SPAG16: variants seen among roughly 807,000 people sequenced by gnomAD.
SPAG16 encodes the protein sperm associated antigen 16, also known as sperm-associated antigen 16 protein.
A neutral mutation model predicts 80.4 loss-of-function variants in SPAG16; 86 were observed. That is an observed-to-expected ratio of 1.07 (90% confidence interval 0.90 to 1.28). SPAG16 has a LOEUF of 1.28. Ranked by LOEUF, SPAG16 falls within the 50% of genes most tolerant of loss-of-function variation. The pLI is 0.00. For missense variants in SPAG16, 870 were observed against 765.3 expected (o/e 1.14, Z -1.61); for synonymous variants, 294 against 265.9 (o/e 1.11, Z -1.03).
intron 13 of SPAG16, among the ~76,000 whole-genome samples, chr2:214,071,721 G>T: frequency 6.6e-6 from 1 of 151,880 alleles, no homozygotes; most frequent in East Asian, 1.9e-4. Context: ...ACACTACAAT[G>T]TTTTTGTGAG....
At chr2:213,441,954 C>T (rs2070993844) in intron 9 of SPAG16, among the ~76,000 whole-genome samples, 1 of 152,188 alleles carries the variant, frequency 6.6e-6, no homozygotes, top group South Asian at 2.1e-4. Context: ...CAAGACCAGC[C>T]TGGCCAACAT....
chr2:213,974,814 A>G (rs1043432186), intron 12 of SPAG16, among the ~76,000 whole-genome samples: 2 of 152,010 alleles, frequency 1.3e-5, no homozygotes, highest in Non-Finnish European at 2.9e-5. Context: ...TTGGCTTGCC[A>G]CATAACCAGC....
chr2:214,025,180 T>C (rs79593886), intron 13 of SPAG16, among the ~76,000 whole-genome samples: 145 of 151,764 alleles, frequency 9.6e-4, no homozygotes, highest in Non-Finnish European at 1.5e-3. Context: ...TAGAGACAAG[T>C]CTTCTCATGA....
intron 7 of SPAG16, among the ~76,000 whole-genome samples, chr2:213,353,607 C>G (rs2065457817): frequency 6.6e-6 from 1 of 152,130 alleles, no homozygotes; most frequent in Non-Finnish European, 1.5e-5. Flanking sequence ...CCTTCATTTC[C>G]AACTGGCCCC....
At chr2:214,117,887 C>A (rs1026999218) in intron 14 of SPAG16, among the ~76,000 whole-genome samples, 1 of 152,104 alleles carries the variant, frequency 6.6e-6, no homozygotes, top group Non-Finnish European at 1.5e-5. Context: ...GAGAAACCTA[C>A]AAACATCATA....
chr2:214,279,271 A>AT (rs1692714010), intron 15 of SPAG16, among the ~76,000 whole-genome samples: 1 of 152,078 alleles, frequency 6.6e-6, no homozygotes, highest in African/African-American at 2.4e-5. Flanking sequence ...TAATTTTTGT[A>AT]TTTTTAGTAA....
intron 13 of SPAG16, among the ~76,000 whole-genome samples, chr2:214,036,202 TG>T (rs1396668548): frequency 6.6e-6 from 1 of 152,250 alleles, no homozygotes; most frequent in Non-Finnish European, 1.5e-5. Flanking sequence ...ATGTTCAAAT[TG>T]TCACATTCTT....
At chr2:213,838,185 T>G (rs1214110985) in intron 10 of SPAG16, among the ~76,000 whole-genome samples, 1 of 152,158 alleles carries the variant, frequency 6.6e-6, no homozygotes, top group South Asian at 2.1e-4. Flanking sequence ...GATTTCTTTT[T>G]TTTTGAGACA....
chr2:213,912,356 T>C (rs1249038702), intron 11 of SPAG16, among the ~76,000 whole-genome samples: 1 of 152,220 alleles, frequency 6.6e-6, no homozygotes, highest in Non-Finnish European at 1.5e-5. Flanking sequence ...TATATTTAAT[T>C]TTTGTAAGAA....
At chr2:214,160,930 C>G (rs2125601589) in intron 15 of SPAG16, among the ~76,000 whole-genome samples, 1 of 152,058 alleles carries the variant, frequency 6.6e-6, no homozygotes, top group Non-Finnish European at 1.5e-5. Context: ...GCATTCTGCA[C>G]TAAACATTTT....
chr2:213,728,525 C>T (rs1028339605), intron 10 of SPAG16, among the ~76,000 whole-genome samples: 4 of 152,102 alleles, frequency 2.6e-5, no homozygotes, highest in Non-Finnish European at 5.9e-5. Flanking sequence ...GTCTCTGCCA[C>T]AGGGAATAAG....
chr2:213,989,302 A>C (rs1177150989), intron 12 of SPAG16, among the ~76,000 whole-genome samples: 1 of 152,068 alleles, frequency 6.6e-6, no homozygotes, highest in Non-Finnish European at 1.5e-5. Flanking sequence ...TTACTTGCCT[A>C]TGATCACCCT....
intron 1 of SPAG16, among the ~76,000 whole-genome samples, chr2:213,293,203 T>G (rs1169314336): frequency 6.6e-6 from 1 of 152,192 alleles, no homozygotes; most frequent in African/African-American, 2.4e-5. Flanking sequence ...AGAAGTGCCT[T>G]CCGCCATGAT....
intron 10 of SPAG16, among the ~76,000 whole-genome samples, chr2:213,726,222 T>C (rs2066764767): frequency 6.6e-6 from 1 of 152,192 alleles, no homozygotes; most frequent in African/African-American, 2.4e-5. Context: ...GTAGACAGTG[T>C]GTAAATAAAT....
intron 10 of SPAG16, among the ~76,000 whole-genome samples, chr2:213,587,868 G>A (rs921964639): frequency 6.6e-6 from 1 of 152,074 alleles, no homozygotes; most frequent in Non-Finnish European, 1.5e-5. Context: ...CTTTTAGGAG[G>A]ACACAAATAT....
intron 15 of SPAG16, among the ~76,000 whole-genome samples, chr2:214,393,542 T>C (rs1701202752): frequency 6.6e-6 from 1 of 151,602 alleles, no homozygotes; most frequent in South Asian, 2.1e-4. Flanking sequence ...ATAATTAAAC[T>C]AAAATATAAT....
chr2:213,492,109 TC>T (rs2074259791), intron 10 of SPAG16, among the ~76,000 whole-genome samples: 1 of 152,198 alleles, frequency 6.6e-6, no homozygotes, highest in East Asian at 1.9e-4. Context: ...TTTGTCAGTC[TC>T]CCAAACACAT....
At chr2:213,842,777 A>G (rs183576236) in intron 10 of SPAG16, among the ~76,000 whole-genome samples, 1 of 152,246 alleles carries the variant, frequency 6.6e-6, no homozygotes, top group East Asian at 1.9e-4. Context: ...TATTATTTTT[A>G]TCATTTAGAG....
At chr2:213,311,520 A>G (rs947633646) in intron 4 of SPAG16, among the ~76,000 whole-genome samples, 3 of 151,720 alleles carry the variant, frequency 2.0e-5, no homozygotes, top group East Asian at 3.9e-4. Flanking sequence ...AATTGATGAG[A>G]TGAAATTTTA....
Sources: allele counts gnomAD v4.1 joint callset (sites outside exome capture counted in the v4.1 genomes callset), GRCh38; gene constraint gnomAD v4.1.1; transcripts MANE v1.5; gene names NCBI Gene and HGNC (gene_info 2026-07-23, HGNC 2026-07-21).